The following SEMA3D variants were observed in gnomAD, a reference collection of about 807,000 sequenced individuals.
The protein encoded by SEMA3D is semaphorin-3D.
Under a neutral mutation model 100.1 loss-of-function variants are expected in SEMA3D, and 84 were observed. The observed-to-expected ratio is 0.84, with a 90% CI of 0.70 to 1.01. SEMA3D has a LOEUF of 1.01. SEMA3D is among the 50% of genes least tolerant of loss of function. The probability of loss-of-function intolerance (pLI) is 0.00; values close to 1 mark genes in which losing one functional copy is unlikely to be tolerated. For missense variants in SEMA3D, 875 were observed against 934.1 expected, an observed-to-expected ratio of 0.94 and a Z score of 0.82; for synonymous variants, 312 against 320.7, an observed-to-expected ratio of 0.97 and a Z score of 0.29.
At chr7:85,204,985 T>C in the SEMA3D span, among the ~76,000 whole-genome samples, 1 of 152,120 alleles carries the variant, frequency 6.6e-6, no homozygotes, top group Non-Finnish European at 1.5e-5. Context: ...CATTCTAATA[T>C]ACGTGAGATG....
the SEMA3D span, among the ~76,000 whole-genome samples, chr7:85,195,516 G>T: frequency 6.6e-6 from 1 of 151,908 alleles, no homozygotes; most frequent in South Asian, 2.1e-4. Flanking sequence ...GCAGTGTCAT[G>T]GTCACAGATC....
At chr7:85,138,816 C>A (rs1562832121) in intron 2 of SEMA3D, among the ~76,000 whole-genome samples, 1 of 151,572 alleles carries the variant, frequency 6.6e-6, no homozygotes, top group Non-Finnish European at 1.5e-5. Context: ...TCCCCTGCCC[C>A]CTACCTGCTG....
chr7:85,148,029 C>G (rs1215952726), intron 2 of SEMA3D, among the ~76,000 whole-genome samples: 1 of 152,114 alleles, frequency 6.6e-6, no homozygotes, highest in African/African-American at 2.4e-5. Context: ...AAAAGTTAAT[C>G]AAATTATCTC....
At chr7:85,082,274 C>A (rs575003196) in intron 4 of SEMA3D, among the ~76,000 whole-genome samples, 1 of 152,162 alleles carries the variant, frequency 6.6e-6, no homozygotes, top group Non-Finnish European at 1.5e-5. Flanking sequence ...GGGGGGGTCT[C>A]AACCATTACA....
intron 1 of SEMA3D, among the ~76,000 whole-genome samples, chr7:85,174,325 G>A (rs1791167183): frequency 6.6e-6 from 1 of 151,926 alleles, no homozygotes; most frequent in Non-Finnish European, 1.5e-5. Context: ...GGCATGCAGC[G>A]GGTGCACAAT....
chr7:85,182,821 T>G (rs1389458576), intron 1 of SEMA3D, among the ~76,000 whole-genome samples: 1 of 152,128 alleles, frequency 6.6e-6, no homozygotes, highest in Admixed American at 6.5e-5. Flanking sequence ...TGTTATGGAG[T>G]GTTGAAATGC....
At chr7:85,222,403 C>T in the SEMA3D span, among the ~76,000 whole-genome samples, 1 of 151,970 alleles carries the variant, frequency 6.6e-6, no homozygotes, top group Non-Finnish European at 1.5e-5. Context: ...AAACACTATA[C>T]ATATATTACA....
At chr7:85,116,320 T>A (rs1789241483) in intron 3 of SEMA3D, among the ~76,000 whole-genome samples, 1 of 146,418 alleles carries the variant, frequency 6.8e-6, no homozygotes, top group African/African-American at 2.5e-5. Flanking sequence ...TTATATATAT[T>A]TATATAAATG....
the SEMA3D span, among the ~76,000 whole-genome samples, chr7:85,196,023 A>T: frequency 6.6e-6 from 1 of 152,192 alleles, no homozygotes; most frequent in African/African-American, 2.4e-5. Context: ...CAAAAATGTT[A>T]TTCCAAAATG....
At chr7:85,031,585 G>A (rs1423926048) in intron 12 of SEMA3D, among the ~76,000 whole-genome samples, 1 of 152,026 alleles carries the variant, frequency 6.6e-6, no homozygotes, top group East Asian at 1.9e-4. Context: ...GTAGGTTAAT[G>A]GCTTTTGATT....
chr7:85,181,859 A>AT, intron 1 of SEMA3D: 5 of 375,492 alleles, frequency 1.3e-5, no homozygotes, highest in South Asian at 1.1e-4. Context: ...AAAGCATCCA[A>AT]TATTAATAAT....
chr7:85,079,043 T>C (rs559620993), intron 5 of SEMA3D, among the ~76,000 whole-genome samples: 1 of 152,294 alleles, frequency 6.6e-6, no homozygotes, highest in African/African-American at 2.4e-5. Flanking sequence ...TTTATAATGT[T>C]ATGTAAGAGC....
intron 5 of SEMA3D, among the ~76,000 whole-genome samples, chr7:85,075,677 A>G (rs1791902615): frequency 6.6e-6 from 1 of 152,190 alleles, no homozygotes; most frequent in African/African-American, 2.4e-5. Flanking sequence ...TGCTCAGTCA[A>G]ATTTTTCTGT....
intron 5 of SEMA3D, among the ~76,000 whole-genome samples, chr7:85,073,763 T>C (rs1205487224): frequency 6.6e-6 from 1 of 152,190 alleles, no homozygotes; most frequent in Non-Finnish European, 1.5e-5. Flanking sequence ...TATTTTCCAG[T>C]GTTACAGAGC....
At chr7:85,238,626 T>C in the SEMA3D span, among the ~76,000 whole-genome samples, 1 of 152,194 alleles carries the variant, frequency 6.6e-6, no homozygotes, top group Non-Finnish European at 1.5e-5. Context: ...AGTCAAGTAG[T>C]GTCAATACTC....
At chr7:85,154,418 C>A (rs890032168) in intron 1 of SEMA3D, among the ~76,000 whole-genome samples, 2 of 151,928 alleles carry the variant, frequency 1.3e-5, no homozygotes, top group African/African-American at 2.4e-5. Context: ...AAATGGGCAG[C>A]GAATCATACT....
chr7:85,150,381 C>A (rs923352182), intron 2 of SEMA3D, among the ~76,000 whole-genome samples: 1 of 136,794 alleles, frequency 7.3e-6, no homozygotes, highest in African/African-American at 2.7e-5. Flanking sequence ...TATATATATA[C>A]ACACACACAT....
intron 9 of SEMA3D, among the ~76,000 whole-genome samples, chr7:85,052,732 AG>A (rs1791201347): frequency 6.6e-6 from 1 of 151,968 alleles, no homozygotes; most frequent in Non-Finnish European, 1.5e-5. Context: ...TTGAAAGAAA[AG>A]GGACAGTGGT....
chr7:85,122,262 G>C (rs958759487), intron 2 of SEMA3D, among the ~76,000 whole-genome samples: 1 of 151,288 alleles, frequency 6.6e-6, no homozygotes, highest in South Asian at 2.1e-4. Flanking sequence ...GATAACAATT[G>C]GTAGACTTTC....
Sources: allele counts gnomAD v4.1 joint callset (sites outside exome capture counted in the v4.1 genomes callset), GRCh38; gene constraint gnomAD v4.1.1; transcripts MANE v1.5; gene names NCBI Gene and HGNC (gene_info 2026-07-23, HGNC 2026-07-21).